DDHD1: variants seen among roughly 807,000 people sequenced by gnomAD.
The protein encoded by DDHD1 is DDHD domain containing 1.
DDHD1 carries 49 observed loss-of-function variants against 96.4 expected under a neutral mutation model. That is an observed-to-expected ratio of 0.51 (90% CI 0.40 to 0.64). The LOEUF is 0.64. Ranked by LOEUF, DDHD1 falls within the 30% of genes least tolerant of loss-of-function variation. DDHD1 has a pLI of 0.00. For synonymous variants in DDHD1, 442 were observed against 446.5 expected, an observed-to-expected ratio of 0.99 and a Z score of 0.13; for missense variants, 1,106 against 1,161.2, an observed-to-expected ratio of 0.95 and a Z score of 0.69.
chr14:53,062,182 C>T (rs184412544), intron 7 of DDHD1, among the ~76,000 whole-genome samples: 33 of 151,202 alleles, frequency 2.2e-4, no homozygotes, highest in Admixed American at 2.0e-3. Context: ...TATTTTGACA[C>T]TATAATATTT....
At chr14:53,052,913 AACTGC>A (rs1457651509) in intron 11 of DDHD1, 1 of 151,884 alleles carries the variant, frequency 6.6e-6, no homozygotes, top group Non-Finnish European at 1.5e-5. Context: ...CACCTCTACT[AACTGC>A]TGTTCTGGAA....
intron 1 of DDHD1, among the ~76,000 whole-genome samples, chr14:53,112,387 A>T (rs958208687): frequency 6.6e-6 from 1 of 151,958 alleles, no homozygotes; most frequent in Non-Finnish European, 1.5e-5. Context: ...ACTGCACTCT[A>T]GCCTGGCAAC....
At chr14:53,114,159 C>A (rs1374304698) in intron 1 of DDHD1, among the ~76,000 whole-genome samples, 1 of 152,216 alleles carries the variant, frequency 6.6e-6, no homozygotes, top group Non-Finnish European at 1.5e-5. Context: ...CACCAGACTG[C>A]CTCTCTAGAT....
intron 1 of DDHD1, among the ~76,000 whole-genome samples, chr14:53,116,348 T>C (rs1888541359): frequency 6.6e-6 from 1 of 152,190 alleles, no homozygotes; most frequent in Admixed American, 6.5e-5. Context: ...TATTCAGGAC[T>C]TGAACTCAAC....
At chr14:53,105,247 T>C (rs768847513) in intron 1 of DDHD1, among the ~76,000 whole-genome samples, 2 of 152,044 alleles carry the variant, frequency 1.3e-5, no homozygotes, top group Non-Finnish European at 2.9e-5. Context: ...AATATAAAGA[T>C]TGTGAACTAT....
In DDHD1 at chr14:53,109,498, T is replaced by G. The variant is rs1020524096; in HGVS notation, c.839-5642A>C. Among the ~76,000 whole-genome samples, 9 of 152,168 alleles carry G rather than the reference T, an allele frequency of 5.9e-5. No homozygotes were observed. The East Asian group carries it at 1.7e-3, about 29-fold the overall frequency. ...GAACCATTGTAATGTGCTATTTCCT[T>G]GTATAAAGGTAATTAAAAATTCATG... On this transcript the variant is annotated intron_variant, in intron 1 of 12. Transcript: ENST00000673822.
chr14:53,107,398 C>T (rs1474837276), intron 1 of DDHD1, among the ~76,000 whole-genome samples: 3 of 152,150 alleles, frequency 2.0e-5, no homozygotes, highest in Non-Finnish European at 4.4e-5. Flanking sequence ...GCATAAACAG[C>T]TGCATATCCT....
chr14:53,124,617 GATAGAGGTA>G (rs1040056258), intron 1 of DDHD1, among the ~76,000 whole-genome samples: 1 of 152,158 alleles, frequency 6.6e-6, no homozygotes, highest in Non-Finnish European at 1.5e-5. Context: ...AAACCACTTT[GATAGAGGTA>G]AAGAATTCCG....
chr14:53,086,425 G>A (rs968170191), intron 4 of DDHD1, among the ~76,000 whole-genome samples: 9 of 152,152 alleles, frequency 5.9e-5, no homozygotes, highest in Non-Finnish European at 8.8e-5. Context: ...ACCCACAAAG[G>A]GAAGCCCATC....
At chr14:53,138,549 A>C (rs1391875442) in intron 1 of DDHD1, among the ~76,000 whole-genome samples, 3 of 152,242 alleles carry the variant, frequency 2.0e-5, no homozygotes, top group Admixed American at 2.0e-4. Flanking sequence ...AGGGTAAATG[A>C]AAGTATGCTA....
At chr14:53,125,094 T>G (rs1889328030) in intron 1 of DDHD1, among the ~76,000 whole-genome samples, 1 of 152,202 alleles carries the variant, frequency 6.6e-6, no homozygotes, top group South Asian at 2.1e-4. Context: ...CAATTTAACT[T>G]TATCACCTCT....
At position 53,041,965 on chromosome 14, in the gene DDHD1, A is replaced by T. The variant is rs1024915542; in HGVS notation, c.*4803T>A. ...GGAGTAGTTTCCTATCGATTAGGGG[A>T]AACAGTCTGGTATAAGACATGGTTG... On this transcript the variant is annotated 3_prime_UTR_variant, in exon 13 of 13. Transcript: ENST00000673822. 1 of 152,172 alleles carries T rather than the reference A, an allele frequency of 6.6e-6. No homozygotes were observed. Among genetic ancestry groups the T allele is most frequent in the Non-Finnish European group, 1.5e-5 (1 of 68,056 alleles). The allele number at this position is 152,172 out of a possible 1,614,324, so 9.4% of individuals were successfully genotyped here.
intron 1 of DDHD1, among the ~76,000 whole-genome samples, chr14:53,120,032 T>C (rs545601119): frequency 9.2e-5 from 14 of 152,300 alleles, no homozygotes; most frequent in Middle Eastern, 3.4e-3. Flanking sequence ...AATGACATGA[T>C]TGTATATTTA....
chr14:53,127,014 A>C, intron 1 of DDHD1, among the ~76,000 whole-genome samples: 1 of 152,218 alleles, frequency 6.6e-6, no homozygotes, highest in East Asian at 1.9e-4. Context: ...ACAGAGAAAA[A>C]GGAGAAAAAG....
chr14:53,073,641 T>C (rs1424604730), intron 5 of DDHD1, 100 bp downstream of exon 5: 4 of 873,380 alleles, frequency 4.6e-6, no homozygotes, highest in South Asian at 1.7e-5. Flanking sequence ...TTGAAGACAC[T>C]ACATTCTCAA....
At position 53,043,270 on chromosome 14, in the gene DDHD1, A is replaced by G. The variant is rs138210455; in HGVS notation, c.*3498T>C. 6.6e-6 allele frequency: 1 copy of G among 152,336 alleles called. No individual in the cohort carries two copies. Among genetic ancestry groups the G allele is most frequent in the East Asian group, 1.9e-4 (1 of 5,186 alleles). 9.4% of individuals were successfully genotyped at this position (152,336 alleles called of 1,614,324 possible). The stretch of plus-strand genomic sequence containing the variant: ...TCTGAGGCCTTTAGCGTGAGTATTC[A>G]GCATGAAGCATGTTCAGTGTGAGTA... On this transcript the variant is annotated 3_prime_UTR_variant, in exon 13 of 13. Coordinates refer to ENST00000673822, the MANE Select transcript of DDHD1 (RefSeq NM_001160148.2).
intron 1 of DDHD1, among the ~76,000 whole-genome samples, chr14:53,107,698 G>A (rs993661011): frequency 1.3e-5 from 2 of 152,132 alleles, no homozygotes; most frequent in African/African-American, 2.4e-5. Context: ...GGCTGAGGCA[G>A]GAGAATCACT....
In DDHD1 at chr14:53,042,569, C is replaced by T. The variant is rs948109319; in HGVS notation, c.*4199G>A. Reference sequence around the variant, plus strand: ...TTTTACAGTTCTTTGAAAACTATCACAAGCATCTACTGAAGACTGAAAGAG... The same window carrying T: ...TTTTACAGTTCTTTGAAAACTATCATAAGCATCTACTGAAGACTGAAAGAG... On this transcript the variant is annotated 3_prime_UTR_variant, in exon 13 of 13. Coordinates refer to ENST00000673822, the MANE Select transcript of DDHD1 (RefSeq NM_001160148.2). 1 of 152,168 alleles carries T rather than the reference C, an allele frequency of 6.6e-6. No homozygotes were observed. Among genetic ancestry groups the T allele is most frequent in the South Asian group, 2.1e-4 (1 of 4,832 alleles). The allele number at this position is 152,168 out of a possible 1,614,324, so 9.4% of individuals were successfully genotyped here.
intron 9 of DDHD1, among the ~76,000 whole-genome samples, chr14:53,056,450 A>T (rs942929163): frequency 7.9e-5 from 12 of 152,180 alleles, no homozygotes; most frequent in African/African-American, 2.9e-4. Flanking sequence ...TTTTTAATTT[A>T]CATTTTTAGA....
Sources: gnomAD v4.1 joint callset for allele counts (sites outside exome capture counted in the v4.1 genomes callset) on GRCh38, gnomAD v4.1.1 for gene constraint, MANE v1.5 for transcripts, NCBI Gene and HGNC (gene_info 2026-07-23, HGNC 2026-07-21) for gene names.